The following CDK15 variants were observed in gnomAD, a reference collection of about 807,000 sequenced individuals.
The protein encoded by CDK15 is cyclin dependent kinase 15, also known as cyclin-dependent kinase 15.
Under a neutral mutation model 60.3 loss-of-function variants are expected in CDK15, and 62 were observed. The ratio of observed to expected loss-of-function variants is 1.03; its 90% CI spans 0.84 to 1.27. The LOEUF is 1.27. Among genes scored for constraint, CDK15 ranks in the 50% most tolerant of loss-of-function variants. The probability of loss-of-function intolerance (pLI) is 0.00; values close to 1 mark genes in which losing one functional copy is unlikely to be tolerated. For missense variants in CDK15, 541 were observed against 527.8 expected, an observed-to-expected ratio of 1.03 and a Z score of -0.25; for synonymous variants, 194 against 195.7, an observed-to-expected ratio of 0.99 and a Z score of 0.07.
Position 201,890,928 on chromosome 2 carries a change from G to A in CDK15, c.*33+1G>A, listed in dbSNP as rs1342305231. 1 of 1,524,624 alleles carries A rather than the reference G, an allele frequency of 6.6e-7. No individual in the cohort carries two copies. Among genetic ancestry groups the A allele is most frequent in the Admixed American group, 1.7e-5 (1 of 58,524 alleles). The allele number at this position is 1,524,624 out of a possible 1,614,324, so 94.4% of individuals were successfully genotyped here. A position where few individuals can be genotyped will look rare whatever the true frequency, so the allele number is the denominator to read the frequency against. ...GGCGAGATCACCAAGGTTCTTCCAG[G>A]TAAGTGGTTGCAACAGTGAGGTTCC... On this transcript the variant is annotated splice_donor_variant, in intron 13 of 13. Coordinates refer to ENST00000652192, the MANE Select transcript of CDK15 (RefSeq NM_001366386.2). LOFTEE classifies it low-confidence loss of function (3UTR_SPLICE).
At chr2:201,815,583 T>C (rs1300039726) in intron 4 of CDK15, among the ~76,000 whole-genome samples, 2 of 152,262 alleles carry the variant, frequency 1.3e-5, no homozygotes, top group African/African-American at 2.4e-5. Flanking sequence ...GAGGAAATAC[T>C]TTCATTTGAA....
chr2:201,824,123 T>C lies in CDK15; in HGVS notation c.606+396T>C, dbSNP rs558865744. ...GGTCTAAGGTGAAGTCTGCAATACT[T>C]GTACTAGCAGATCCTATTATATATG... On this transcript the variant is annotated intron_variant, in intron 6 of 13. Coordinates refer to ENST00000652192, the MANE Select transcript of CDK15 (RefSeq NM_001366386.2). Among the ~76,000 whole-genome samples, 4 of 152,358 alleles carry C rather than the reference T, an allele frequency of 2.6e-5. No homozygotes were observed. In the East Asian group the frequency reaches 7.7e-4, roughly 29 times the overall value.
intron 1 of CDK15, 24 bp downstream of exon 1, chr2:201,806,811 A>T: frequency 6.3e-7 from 1 of 1,596,620 alleles, no homozygotes; most frequent in Non-Finnish European, 8.5e-7. Flanking sequence ...AGGAGAGAGC[A>T]TCTTTCTCTA....
rs551272928 is a variant in CDK15, at chr2:201,853,714, C to A, written c.946-1160C>A. 4.1e-5 allele frequency among the ~76,000 whole-genome samples: 5 copies of A among 120,980 alleles called. No individual in the cohort carries two copies. In the South Asian group the frequency reaches 1.6e-3, roughly 38 times the overall value. The allele number at this position is 120,980 out of a possible 152,430, so 79.4% of individuals were successfully genotyped here. A position where few individuals can be genotyped will look rare whatever the true frequency, so the allele number is the denominator to read the frequency against. ...TCTCCCATATATAACTGTCTATGGGCTTTTATGATTATTCTTTAAAAAAAA... is the reference window on the plus strand; with the variant it reads ...TCTCCCATATATAACTGTCTATGGGATTTTATGATTATTCTTTAAAAAAAA... On this transcript the variant is annotated intron_variant, in intron 9 of 13. Coordinates refer to ENST00000652192, the MANE Select transcript of CDK15 (RefSeq NM_001366386.2).
intron 6 of CDK15, 53 bp from the exon 7 acceptor site, chr2:201,833,795 A>C: frequency 6.3e-7 from 1 of 1,576,174 alleles, no homozygotes; most frequent in Non-Finnish European, 8.6e-7. Context: ...TTAGAGGCGA[A>C]ATCAGCACGT....
At chr2:201,870,000 T>C (rs538199555) in intron 10 of CDK15, among the ~76,000 whole-genome samples, 8 of 152,158 alleles carry the variant, frequency 5.3e-5, no homozygotes, top group South Asian at 2.1e-4. Context: ...GTATAGACAA[T>C]TGCTTCTCTT....
intron 9 of CDK15, 61 bp from the exon 10 acceptor site, chr2:201,854,813 C>T: frequency 6.9e-7 from 1 of 1,444,080 alleles, no homozygotes; most frequent in Non-Finnish European, 9.7e-7. Flanking sequence ...GTCTCCATAC[C>T]TCTTCCATCC....
intron 6 of CDK15, among the ~76,000 whole-genome samples, chr2:201,833,356 T>C (rs1266281663): frequency 6.6e-6 from 1 of 152,214 alleles, no homozygotes; most frequent in African/African-American, 2.4e-5. Flanking sequence ...TCTAAAGATA[T>C]ATTTTTTAGT....
intron 4 of CDK15, among the ~76,000 whole-genome samples, chr2:201,819,752 G>A (rs1696140621): frequency 6.6e-6 from 1 of 152,208 alleles, no homozygotes; most frequent in South Asian, 2.1e-4. Flanking sequence ...GACTTGACGT[G>A]TACGAGTGGT....
intron 10 of CDK15, among the ~76,000 whole-genome samples, chr2:201,860,580 G>T (rs951055522): frequency 3.3e-5 from 5 of 152,240 alleles, no homozygotes; most frequent in Non-Finnish European, 5.9e-5. Context: ...AACACTGCAC[G>T]TGGGAAGTTT....
At chr2:201,837,749 A>C (rs1196128473) in intron 8 of CDK15, among the ~76,000 whole-genome samples, 2 of 152,146 alleles carry the variant, frequency 1.3e-5, no homozygotes, top group South Asian at 4.2e-4. Flanking sequence ...AAATATATGA[A>C]TCTCTTTCAG....
intron 9 of CDK15, among the ~76,000 whole-genome samples, chr2:201,853,752 G>C (rs1238447028): frequency 6.6e-6 from 1 of 151,060 alleles, no homozygotes; most frequent in Non-Finnish European, 1.5e-5. Context: ...AAATACTAAG[G>C]TAATGCCTAC....
chr2:201,885,859 A>G (rs1699433788), intron 12 of CDK15, among the ~76,000 whole-genome samples: 1 of 152,174 alleles, frequency 6.6e-6, no homozygotes, highest in Non-Finnish European at 1.5e-5. Flanking sequence ...TTATCAATCT[A>G]TGTACTAATT....
Position 201,861,044 on chromosome 2 carries a change from A to T in CDK15, c.1009+6107A>T, listed in dbSNP as rs191463928. 2.0e-4 allele frequency: 231 copies of T among 1,136,966 alleles called. 1 individual carries two copies. The highest frequency in any genetic ancestry group is 1.4e-3 in the South Asian group (69 of 50,048). 70.4% of individuals were successfully genotyped at this position (1,136,966 alleles called of 1,614,324 possible). On this transcript the variant is annotated intron_variant, in intron 10 of 13. Transcript: ENST00000652192. ...GGTTGTATGAGCTATTAGCCAAGGGAGTTATTCAGTGGGTTGAACTAAGGG... is the reference window on the plus strand; with the variant it reads ...GGTTGTATGAGCTATTAGCCAAGGGTGTTATTCAGTGGGTTGAACTAAGGG...
intron 12 of CDK15, among the ~76,000 whole-genome samples, chr2:201,890,192 CATG>C (rs1440453082): frequency 2.0e-5 from 3 of 152,134 alleles, no homozygotes; most frequent in Non-Finnish European, 4.4e-5. Flanking sequence ...GACTCCTTGA[CATG>C]ATATTAGTTC....
chr2:201,836,973 TA>T (rs1026704796), intron 8 of CDK15, among the ~76,000 whole-genome samples: 14 of 151,990 alleles, frequency 9.2e-5, no homozygotes, highest in Non-Finnish European at 1.9e-4. Context: ...CCATCTGAGT[TA>T]AATGGAATTG....
At chr2:201,831,278 A>C (rs1304066789) in intron 6 of CDK15, among the ~76,000 whole-genome samples, 1 of 152,150 alleles carries the variant, frequency 6.6e-6, no homozygotes, top group Non-Finnish European at 1.5e-5. Context: ...AACGGATCTC[A>C]TTGGTTTTTG....
At chr2:201,839,553 C>T (rs1697278848) in intron 8 of CDK15, among the ~76,000 whole-genome samples, 1 of 152,046 alleles carries the variant, frequency 6.6e-6, no homozygotes, top group Non-Finnish European at 1.5e-5. Context: ...GATAATTGCA[C>T]TGTTGTTATG....
intron 4 of CDK15, 27 bp from the exon 5 acceptor site, chr2:201,822,782 A>T: frequency 7.4e-7 from 1 of 1,342,686 alleles, no homozygotes; most frequent in South Asian, 1.2e-5. Context: ...TCAATGATGG[A>T]TTTAACATTT....
Sources: allele counts gnomAD v4.1 joint callset (sites outside exome capture counted in the v4.1 genomes callset), GRCh38; gene constraint gnomAD v4.1.1; transcripts MANE v1.5; gene names NCBI Gene and HGNC (gene_info 2026-07-23, HGNC 2026-07-21).